ZNF831: variants seen among roughly 807,000 people sequenced by gnomAD.
The protein encoded by ZNF831 is zinc finger protein 831.
A neutral mutation model predicts 95.8 loss-of-function variants in ZNF831; 59 were observed. The observed-to-expected ratio is 0.62, with a 90% confidence interval of 0.50 to 0.77. ZNF831 has a LOEUF of 0.77. Among genes scored for constraint, ZNF831 ranks in the 30% least tolerant of loss-of-function variants. The pLI is 0.00. For missense variants in ZNF831, 2,205 were observed against 2,164.0 expected, an observed-to-expected ratio of 1.02 and a Z score of -0.38; for synonymous variants, 961 against 925.5, an observed-to-expected ratio of 1.04 and a Z score of -0.70.
At chr20:59,195,735 C>T (rs1281916749) in intron 2 of ZNF831, 134 bp from the exon 3 acceptor site, 3 of 1,479,742 alleles carry the variant, frequency 2.0e-6, no homozygotes, top group Admixed American at 2.3e-5. Flanking sequence ...AGGGGCTCAG[C>T]CCGTTTAGCA....
intron 1 of ZNF831, among the ~76,000 whole-genome samples, chr20:59,140,295 A>G (rs1979637621): frequency 6.6e-6 from 1 of 152,148 alleles, no homozygotes; most frequent in South Asian, 2.1e-4. Context: ...GGCTACCGTG[A>G]TTTTAAATTT....
At position 59,169,687 on chromosome 20, in the gene ZNF831, G is replaced by A. The variant is rs1006852492; in HGVS notation, c.-37+5480G>A. Among the ~76,000 whole-genome samples the A allele has an allele frequency of 6.6e-6, 1 of 152,046 alleles. No individual in the cohort carries two copies. The highest frequency in any genetic ancestry group is 6.6e-5 in the Admixed American group (1 of 15,260). The stretch of plus-strand genomic sequence containing the variant: ...AGCTGAGGCAGGAGGATCAGTTGAG[G>A]TCAGGAGTTTGAGACCAGCCTGGCC... On this transcript the variant is annotated intron_variant, in intron 1 of 5. Transcript: ENST00000371030. The surrounding 1 kb of genome is among the most constrained non-coding windows in gnomAD (Gnocchi z 4.1).
intron 1 of ZNF831, 53 bp from the exon 2 acceptor site, chr20:59,190,931 T>G: frequency 7.0e-7 from 1 of 1,430,486 alleles, no homozygotes; most frequent in Non-Finnish European, 9.1e-7. Context: ...CAAGATTTAC[T>G]GCATGAGGAG....
At chr20:59,170,962 A>G (rs1217357694) in intron 1 of ZNF831, among the ~76,000 whole-genome samples, 1 of 152,198 alleles carries the variant, frequency 6.6e-6, no homozygotes, top group Non-Finnish European at 1.5e-5. Context: ...GTGGGACAGA[A>G]GTCTCCAGAG....
chr20:59,234,785 TA>T (rs1986911636), intron 4 of ZNF831, among the ~76,000 whole-genome samples: 1 of 152,210 alleles, frequency 6.6e-6, no homozygotes, highest in Non-Finnish European at 1.5e-5. Flanking sequence ...TTTAATTTTA[TA>T]ACAGTTTTAA....
intron 4 of ZNF831, among the ~76,000 whole-genome samples, chr20:59,238,804 G>A (rs1568789632): frequency 1.3e-5 from 2 of 151,446 alleles, no homozygotes; most frequent in Admixed American, 6.6e-5. Flanking sequence ...ATCTCCTCTC[G>A]TCCTCTCCCC....
rs1239438307 is a variant in ZNF831 at position 59,170,013 on chromosome 20, A to G, written c.-37+5806A>G. 2.0e-5 allele frequency among the ~76,000 whole-genome samples: 3 copies of G among 151,616 alleles called. No homozygotes were observed. The South Asian group carries it at 6.3e-4, about 32-fold the overall frequency. On this transcript the variant is annotated intron_variant, in intron 1 of 5. Transcript: ENST00000371030. Reference sequence around the variant, plus strand: ...ACCTATTTCTTCTCCTACCTTTATTATCTCCTTTCTTCCGCTTGCTCTGGA... The same window carrying G: ...ACCTATTTCTTCTCCTACCTTTATTGTCTCCTTTCTTCCGCTTGCTCTGGA...
intron 4 of ZNF831, among the ~76,000 whole-genome samples, chr20:59,229,399 G>A (rs1986607145): frequency 6.6e-6 from 1 of 152,164 alleles, no homozygotes; most frequent in Non-Finnish European, 1.5e-5. Context: ...TGGCCAAGGA[G>A]AGTCACAAGA....
Position 59,256,465 on chromosome 20 carries a change from A to C in ZNF831, c.*1722A>C, listed in dbSNP as rs1988192753. The C allele has an allele frequency of 2.0e-5, 3 of 152,220 alleles. No individual in the cohort carries two copies. Among genetic ancestry groups the C allele is most frequent in the African/African-American group, 7.2e-5 (3 of 41,450 alleles). The allele number at this position is 152,220 out of a possible 1,614,324, so 9.4% of individuals were successfully genotyped here. On this transcript the variant is annotated 3_prime_UTR_variant, in exon 6 of 6. Coordinates refer to ENST00000371030, the MANE Select transcript of ZNF831 (RefSeq NM_178457.3). ...TTTTCGAAGGATTCATGCCACTGTA[A>C]TGAGAGAGGCAGTGTAGGCAAATGG...
chr20:59,137,279 C>CT (rs11469830), intron 1 of ZNF831, among the ~76,000 whole-genome samples: 15,168 of 149,198 alleles, frequency 0.1, 818 homozygotes, highest in Non-Finnish European at 0.11. Flanking sequence ...TCCAATACAT[C>CT]TTTTTTTTTT....
intron 1 of ZNF831, among the ~76,000 whole-genome samples, chr20:59,170,338 T>A (rs1273934696): frequency 6.6e-6 from 1 of 152,204 alleles, no homozygotes; most frequent in Admixed American, 6.5e-5. Flanking sequence ...TGTATTTTTG[T>A]TTTCACACGT....
At chr20:59,183,990 C>T (rs1391186828) in intron 1 of ZNF831, among the ~76,000 whole-genome samples, 1 of 152,194 alleles carries the variant, frequency 6.6e-6, no homozygotes, top group Non-Finnish European at 1.5e-5. Context: ...TTTGGTATTA[C>T]AGGATCAGAA....
Position 59,208,066 on chromosome 20 carries a change from A to G in ZNF831, c.4027+1010A>G, listed in dbSNP as rs1281498602. 6.6e-6 allele frequency among the ~76,000 whole-genome samples: 1 copy of G among 152,278 alleles called. No individual in the cohort carries two copies. Among genetic ancestry groups the G allele is most frequent in the Non-Finnish European group, 1.5e-5 (1 of 68,052 alleles). On this transcript the variant is annotated intron_variant, in intron 4 of 5. Transcript: ENST00000371030. The surrounding 1 kb of genome is among the most constrained non-coding windows in gnomAD (Gnocchi z 4.2). ...TCCCAGAGAGAATTTAAATCCAGGC[A>G]AGAATTCATCTTACAGTTGGGGCCA...
At chr20:59,235,586 T>C (rs1860485921) in intron 4 of ZNF831, among the ~76,000 whole-genome samples, 1 of 152,222 alleles carries the variant, frequency 6.6e-6, no homozygotes, top group South Asian at 2.1e-4. Context: ...AAATTACTTT[T>C]ATTTTCATTG....
intron 1 of ZNF831, among the ~76,000 whole-genome samples, chr20:59,186,164 TGG>T (rs1983016303): frequency 6.6e-6 from 1 of 152,158 alleles, no homozygotes; most frequent in Admixed American, 6.5e-5. Flanking sequence ...TCACCCACAG[TGG>T]GGACTTGCTG....
intron 1 of ZNF831, among the ~76,000 whole-genome samples, chr20:59,168,564 C>T (rs1216207716): frequency 9.8e-5 from 14 of 143,280 alleles, no homozygotes; most frequent in African/African-American, 3.6e-4. Flanking sequence ...GCAAGTCTTT[C>T]CTTTCCCTGT....
intron 1 of ZNF831, among the ~76,000 whole-genome samples, chr20:59,168,821 G>A (rs561484166): frequency 1.6e-4 from 24 of 152,172 alleles, no homozygotes; most frequent in Admixed American, 5.9e-4. Flanking sequence ...TGTCAAAAGC[G>A]TTTTCTACAT....
At chr20:59,225,809 G>A (rs1986386129) in intron 4 of ZNF831, among the ~76,000 whole-genome samples, 1 of 152,196 alleles carries the variant, frequency 6.6e-6, no homozygotes. Context: ...AGAATGGTGT[G>A]GGTTACCATT....
chr20:59,153,907 A>C (rs986313163), intron 2 of ZNF831, among the ~76,000 whole-genome samples: 20 of 152,194 alleles, frequency 1.3e-4, no homozygotes, highest in African/African-American at 4.8e-4. Context: ...AGAAAGCCTG[A>C]CGTATAAACC....
Sources: gnomAD v4.1 joint callset for allele counts (sites outside exome capture counted in the v4.1 genomes callset) on GRCh38, gnomAD v4.1.1 for gene constraint, Gnocchi (gnomAD v3.1) non-coding constraint, MANE v1.5 for transcripts, NCBI Gene and HGNC (gene_info 2026-07-23, HGNC 2026-07-21) for gene names.